ARFIP1: variants seen among roughly 807,000 people sequenced by gnomAD.
ARFIP1 encodes arfaptin-1.
A neutral mutation model predicts 42.5 loss-of-function variants in ARFIP1; 24 were observed. The observed-to-expected ratio is 0.57, with a 90% CI of 0.41 to 0.80. ARFIP1 has a LOEUF of 0.80. Ranked by LOEUF, ARFIP1 falls within the 30% of genes least tolerant of loss-of-function variation. The probability of loss-of-function intolerance (pLI) is 0.00; values close to 1 mark genes in which losing one functional copy is unlikely to be tolerated. For synonymous variants in ARFIP1, 141 were observed against 153.7 expected (o/e 0.92, Z 0.61); for missense variants, 354 against 434.0 (o/e 0.82, Z 1.64).
chr4:152,860,748 A>AT (rs1733824961), intron 2 of ARFIP1, among the ~76,000 whole-genome samples: 1 of 152,232 alleles, frequency 6.6e-6, no homozygotes, highest in Admixed American at 6.5e-5. Flanking sequence ...AACTGGACAG[A>AT]TATTTGTTTA....
At chr4:152,820,623 G>A (rs1730292980) in intron 1 of ARFIP1, among the ~76,000 whole-genome samples, 1 of 152,148 alleles carries the variant, frequency 6.6e-6, no homozygotes, top group African/African-American at 2.4e-5. Context: ...GAGAATGAAG[G>A]GGGAAGTGCT....
chr4:152,828,963 C>A (rs1224087172), intron 1 of ARFIP1, among the ~76,000 whole-genome samples: 4 of 152,184 alleles, frequency 2.6e-5, no homozygotes, highest in Non-Finnish European at 4.4e-5. Flanking sequence ...TATTCCAGCA[C>A]CATTGTGGAA....
At position 152,842,701 on chromosome 4, in the gene ARFIP1, G is replaced by T. The variant is rs755354732; in HGVS notation, c.93+12975G>T. On this transcript the variant is annotated intron_variant, in intron 2 of 8. Coordinates refer to ENST00000353617, the MANE Select transcript of ARFIP1 (RefSeq NM_001025595.3). ...TTCTTTCTTCTACTTGTTCAATTCT[G>T]TTGCTGAGAATTTCCAGAGCATTTT... Among the ~76,000 whole-genome samples the T allele has an allele frequency of 7.1e-4, 108 of 152,098 alleles. 2 individuals are homozygous for T. Among genetic ancestry groups the T allele is most frequent in the Non-Finnish European group, 2.2e-4 (15 of 68,012 alleles).
intron 3 of ARFIP1, among the ~76,000 whole-genome samples, chr4:152,866,585 C>T (rs1274775160): frequency 7.9e-6 from 1 of 125,818 alleles, no homozygotes; most frequent in East Asian, 2.4e-4. Context: ...GCTGGCCGGG[C>T]GGGGGCTGAC....
chr4:152,885,498 T>A (rs1736187560), intron 7 of ARFIP1, among the ~76,000 whole-genome samples: 1 of 151,946 alleles, frequency 6.6e-6, no homozygotes, highest in Non-Finnish European at 1.5e-5. Context: ...GTCACTAACT[T>A]TGTTGATACG....
chr4:152,842,982 T>C (rs911786158), intron 2 of ARFIP1, among the ~76,000 whole-genome samples: 17 of 152,198 alleles, frequency 1.1e-4, no homozygotes, highest in African/African-American at 4.1e-4. Flanking sequence ...TGGGGGGATG[T>C]TGAAGAGCCT....
chr4:152,878,386 A>G (rs1488086726), intron 5 of ARFIP1, among the ~76,000 whole-genome samples: 1 of 152,216 alleles, frequency 6.6e-6, no homozygotes, highest in African/African-American at 2.4e-5. Context: ...AAAGCAATTT[A>G]AATAAAAATC....
intron 5 of ARFIP1, among the ~76,000 whole-genome samples, chr4:152,874,733 T>C (rs367892515): frequency 2.6e-4 from 40 of 152,344 alleles, no homozygotes; most frequent in African/African-American, 9.1e-4. Context: ...TGTATGATCA[T>C]GGATCACTGC....
At chr4:152,838,713 A>G (rs775680803) in intron 2 of ARFIP1, among the ~76,000 whole-genome samples, 10 of 152,128 alleles carry the variant, frequency 6.6e-5, no homozygotes, top group Admixed American at 6.5e-5. Context: ...GTAAACAATC[A>G]TATCATCAGC....
chr4:152,826,145 A>C (rs1360442737), intron 1 of ARFIP1, among the ~76,000 whole-genome samples: 1 of 152,180 alleles, frequency 6.6e-6, no homozygotes, highest in Non-Finnish European at 1.5e-5. Flanking sequence ...CAAAGGAAAA[A>C]AAGTCACTAT....
intron 1 of ARFIP1, among the ~76,000 whole-genome samples, chr4:152,793,794 C>T (rs1731271369): frequency 3.9e-5 from 6 of 152,164 alleles, no homozygotes; most frequent in Admixed American, 3.3e-4. Flanking sequence ...CTATATTTTC[C>T]TCATTGGTGC....
chr4:152,823,853 G>A (rs555077920), intron 1 of ARFIP1, among the ~76,000 whole-genome samples: 1 of 150,718 alleles, frequency 6.6e-6, no homozygotes, highest in South Asian at 2.1e-4. Context: ...CGAGAAGGAG[G>A]GATTGCTCCC....
At chr4:152,896,449 ACTC>A (rs1489521967) in intron 8 of ARFIP1, among the ~76,000 whole-genome samples, 1 of 152,014 alleles carries the variant, frequency 6.6e-6, no homozygotes, top group African/African-American at 2.4e-5. Flanking sequence ...ATGATAGAAA[ACTC>A]CTCAGGACAG....
intron 3 of ARFIP1, among the ~76,000 whole-genome samples, chr4:152,869,892 T>C (rs2149882315): frequency 6.6e-6 from 1 of 152,360 alleles, no homozygotes; most frequent in African/African-American, 2.4e-5. Context: ...TTGTTTCCTC[T>C]GGTTCTCAAA....
At position 152,866,999 on chromosome 4, in the gene ARFIP1, C is replaced by G. The variant is rs530947263; in HGVS notation, c.202+3285C>G. ...GGATGGCGGCCGGGCAGAGACGCTC[C>G]TCACTTTCCAGACTGGGCAGCCAGG... On this transcript the variant is annotated intron_variant, in intron 3 of 8. Coordinates refer to ENST00000353617, the MANE Select transcript of ARFIP1 (RefSeq NM_001025595.3). Among the ~76,000 whole-genome samples the G allele has an allele frequency of 3.3e-5, 5 of 150,442 alleles. No homozygotes were observed. The East Asian group carries it at 9.9e-4, about 30-fold the overall frequency.
At chr4:152,845,988 T>C (rs532855108) in intron 2 of ARFIP1, among the ~76,000 whole-genome samples, 17 of 152,334 alleles carry the variant, frequency 1.1e-4, no homozygotes, top group Admixed American at 2.0e-4. Context: ...GTGGTAGATA[T>C]ACATCATTAA....
Position 152,897,053 on chromosome 4 carries a change from T to A in ARFIP1, c.966+8746T>A, listed in dbSNP as rs868164646. Among the ~76,000 whole-genome samples the A allele has an allele frequency of 2.6e-5, 4 of 152,352 alleles. No individual in the cohort carries two copies. In the South Asian group the frequency reaches 6.2e-4, roughly 24 times the overall value. The stretch of plus-strand genomic sequence containing the variant: ...TGCTGCTGTTAGTGGTTTGTCTTTT[T>A]AAACACACATGGAAGAGGAAAAATT... On this transcript the variant is annotated intron_variant, in intron 8 of 8. Coordinates refer to ENST00000353617, the MANE Select transcript of ARFIP1 (RefSeq NM_001025595.3).
At chr4:152,810,429 T>C (rs996150259) in intron 1 of ARFIP1, 3 of 152,248 alleles carry the variant, frequency 2.0e-5, no homozygotes, top group Non-Finnish European at 4.4e-5. Flanking sequence ...TTTACTGTTA[T>C]CTGTGCTCTT....
At position 152,910,520 on chromosome 4, in the gene ARFIP1, C is replaced by G. The variant is rs1738760286; in HGVS notation, c.*301C>G. 1 of 199,074 alleles carries G rather than the reference C, an allele frequency of 5.0e-6. No homozygotes were observed. Among genetic ancestry groups the G allele is most frequent in the Admixed American group, 6.0e-5 (1 of 16,728 alleles). 12.3% of individuals were successfully genotyped at this position (199,074 alleles called of 1,614,324 possible). On this transcript the variant is annotated 3_prime_UTR_variant, in exon 9 of 9. Transcript: ENST00000353617. ...AACATCTAATAGAGATTTGCACTGA[C>G]AAGATAAAAATTCAAGGTTTTTGGT... is the stretch of plus-strand genomic sequence containing the variant.
Sources: allele counts gnomAD v4.1 joint callset (sites outside exome capture counted in the v4.1 genomes callset), GRCh38; gene constraint gnomAD v4.1.1; transcripts MANE v1.5; gene names NCBI Gene and HGNC (gene_info 2026-07-23, HGNC 2026-07-21).